The following FAM222A variants were observed in gnomAD, a reference collection of about 807,000 sequenced individuals.
FAM222A encodes the protein family with sequence similarity 222 member A.
In FAM222A, 7 loss-of-function variants were observed where a neutral mutation model predicts 25.8. The ratio of observed to expected loss-of-function variants is 0.27; its 90% CI spans 0.15 to 0.51. The LOEUF is 0.51. Among genes scored for constraint, FAM222A ranks in the 20% least tolerant of loss-of-function variants. The probability of loss-of-function intolerance (pLI) is 0.97; values close to 1 mark genes in which losing one functional copy is unlikely to be tolerated. For synonymous variants in FAM222A, 294 were observed against 298.8 expected (o/e 0.98, Z 0.17); for missense variants, 573 against 640.5 (o/e 0.89, Z 1.14).
At chr12:109,726,219 A>G (rs978907585) in intron 1 of FAM222A, among the ~76,000 whole-genome samples, 25 of 152,112 alleles carry the variant, frequency 1.6e-4, no homozygotes, top group African/African-American at 5.3e-4. Context: ...CTCTCCTAGA[A>G]TAGCTCATCA....
At chr12:109,726,571 C>T (rs983198712) in intron 1 of FAM222A, among the ~76,000 whole-genome samples, 1 of 152,230 alleles carries the variant, frequency 6.6e-6, no homozygotes, top group Admixed American at 6.5e-5. Context: ...GGTCCCAGCA[C>T]GCAGTAGGTG....
At chr12:109,739,357 A>G (rs1566189591) in intron 1 of FAM222A, among the ~76,000 whole-genome samples, 1 of 152,190 alleles carries the variant, frequency 6.6e-6, no homozygotes, top group Non-Finnish European at 1.5e-5. Flanking sequence ...TTCTGGCTAG[A>G]TGTTCCTTTC....
intron 2 of FAM222A, among the ~76,000 whole-genome samples, chr12:109,756,890 T>G (rs2136371041): frequency 6.6e-6 from 1 of 152,354 alleles, no homozygotes; most frequent in East Asian, 1.9e-4. Context: ...TCTCTCTTTT[T>G]TTTATGGAAG....
Position 109,768,819 on chromosome 12 carries a change from C to G in FAM222A, c.890C>G (p.Pro297Arg), listed in dbSNP as rs1235291579. The change falls in exon 3 of 3, where the codon CCC (proline) becomes CGC (arginine). Residue 297 changes from proline to arginine, a missense_variant. By Grantham distance (103) the Pro-to-Arg change is moderately radical. Around this residue, in one of 3 missense-constraint regions of FAM222A, gnomAD observed 412 missense variants for 407.0 expected, o/e 1.01. Coordinates refer to ENST00000538780, the MANE Select transcript of FAM222A (RefSeq NM_032829.3). ...LWPQKPPPPP[P>R]QPLRAYSGST... ...CCGCAGAAACCGCCCCCACCGCCGC[C>G]CCAGCCACTGCGTGCCTACAGTGGG... 6.3e-7 allele frequency: 1 copy of G among 1,575,962 alleles called. No individual in the cohort carries two copies. The highest frequency in any genetic ancestry group is 8.6e-7 in the Non-Finnish European group (1 of 1,167,470).
In FAM222A at chr12:109,714,309, C is replaced by A; in HGVS notation, c.-635C>A. ...GGGCCGGTGCATTCTCGCCGCTGTT[C>A]TTTGCAACCTGCAGGGGCCGGTGTA... On this transcript the variant is annotated 5_prime_UTR_variant, in exon 1 of 3. Coordinates refer to ENST00000538780, the MANE Select transcript of FAM222A (RefSeq NM_032829.3). This position sits in a 1 kb window ranked among gnomAD's most constrained non-coding sequence, Gnocchi z 4.2. 6.4e-6 allele frequency: 1 copy of A among 157,054 alleles called. No individual in the cohort carries two copies. Among genetic ancestry groups the A allele is most frequent in the South Asian group, 1.5e-4 (1 of 6,586 alleles). 9.7% of individuals were successfully genotyped at this position (157,054 alleles called of 1,614,324 possible).
rs1306615815 is a variant in FAM222A at position 109,713,840 on chromosome 12, G to C, written c.-1104G>C. On this transcript the variant is annotated 5_prime_UTR_variant, in exon 1 of 3. Coordinates refer to ENST00000538780, the MANE Select transcript of FAM222A (RefSeq NM_032829.3). ...CGCGCCTGTCAGTCGGGCCAGAGCG[G>C]AGCAGCGGGCAGGACTGCCTGGCCG... Among the ~76,000 whole-genome samples the C allele has an allele frequency of 1.3e-5, 2 of 150,586 alleles. No homozygotes were observed. The highest frequency in any genetic ancestry group is 4.9e-5 in the African/African-American group (2 of 41,190).
intron 1 of FAM222A, among the ~76,000 whole-genome samples, chr12:109,732,222 G>C (rs778286887): frequency 6.6e-6 from 1 of 152,208 alleles, no homozygotes; most frequent in Non-Finnish European, 1.5e-5. Context: ...ACTGAGTGCC[G>C]GGTGGGAGGA....
At chr12:109,758,203 G>A (rs986519188) in intron 2 of FAM222A, among the ~76,000 whole-genome samples, 4 of 152,200 alleles carry the variant, frequency 2.6e-5, no homozygotes, top group African/African-American at 7.2e-5. Context: ...CTCAGCACAC[G>A]TATGTAGCTT....
chr12:109,763,174 A>G (rs1200636590), intron 2 of FAM222A, among the ~76,000 whole-genome samples: 2 of 152,212 alleles, frequency 1.3e-5, no homozygotes, highest in Admixed American at 1.3e-4. Context: ...CCCTGCCTCA[A>G]GGTGGAAGTA....
At chr12:109,724,333 T>C (rs534753835) in intron 1 of FAM222A, among the ~76,000 whole-genome samples, 1 of 144,822 alleles carries the variant, frequency 6.9e-6, no homozygotes. Flanking sequence ...CATGGAAACA[T>C]GTGAAAGAGC....
chr12:109,770,136 T>C lies in FAM222A; in HGVS notation c.*848T>C, dbSNP rs1889202962. ...GCACCACAGGGGCTAACAGTGGGCC[T>C]GCAATCTTAGATCCCATCCTTGCCT... On this transcript the variant is annotated 3_prime_UTR_variant, in exon 3 of 3. Coordinates refer to ENST00000538780, the MANE Select transcript of FAM222A (RefSeq NM_032829.3). 6.6e-6 allele frequency: 1 copy of C among 152,416 alleles called. No homozygotes were observed. The highest frequency in any genetic ancestry group is 2.4e-5 in the African/African-American group (1 of 41,468). 9.4% of individuals were successfully genotyped at this position (152,416 alleles called of 1,614,324 possible).
intron 1 of FAM222A, 37 bp from the exon 2 acceptor site, chr12:109,744,063 GC>G: frequency 1.3e-6 from 2 of 1,541,572 alleles, no homozygotes; most frequent in Non-Finnish European, 8.7e-7. Context: ...ACACGGAGCA[GC>G]CCCCAAGTGA....
At chr12:109,747,956 G>A (rs541468237) in intron 2 of FAM222A, among the ~76,000 whole-genome samples, 2 of 152,246 alleles carry the variant, frequency 1.3e-5, no homozygotes, top group South Asian at 2.1e-4. Context: ...TAATAGTGGC[G>A]ATAATAGACA....
rs749337995 is a variant in FAM222A at position 109,768,255 on chromosome 12, C to T, written c.326C>T (p.Ala109Val). The T allele has an allele frequency of 1.1e-5, 18 of 1,608,798 alleles. No homozygotes were observed. Among genetic ancestry groups the T allele is most frequent in the East Asian group, 6.7e-5 (3 of 44,540 alleles). The change falls in exon 3 of 3, where the codon GCG becomes GTG. Residue 109 changes from alanine to valine, a missense_variant. Around this residue, in one of 3 missense-constraint regions of FAM222A, gnomAD observed 112 missense variants for 154.6 expected, o/e 0.72. Coordinates refer to ENST00000538780, the MANE Select transcript of FAM222A (RefSeq NM_032829.3). ...YQGLLAIVKA[A>V]VSSSSTAAPA... ...GGCCTTCTGGCCATTGTCAAGGCCG[C>T]GGTTTCCTCCTCCAGCACGGCCGCA...
At chr12:109,721,442 G>T (rs1444347699) in intron 1 of FAM222A, among the ~76,000 whole-genome samples, 2 of 151,438 alleles carry the variant, frequency 1.3e-5, no homozygotes, top group East Asian at 1.9e-4. Context: ...GCCTTATGCC[G>T]CTGTGCCCTT....
chr12:109,732,396 C>G (rs990769616), intron 1 of FAM222A, among the ~76,000 whole-genome samples: 2 of 152,224 alleles, frequency 1.3e-5, no homozygotes, highest in African/African-American at 2.4e-5. Context: ...GAGTGTCTGG[C>G]CCCAGGAAGG....
At chr12:109,747,979 A>G (rs1016238444) in intron 2 of FAM222A, among the ~76,000 whole-genome samples, 2 of 152,214 alleles carry the variant, frequency 1.3e-5, no homozygotes, top group African/African-American at 4.8e-5. Context: ...CTTGCTTTGT[A>G]GCTTCTAGAT....
chr12:109,755,010 T>C (rs1009619601), intron 2 of FAM222A, among the ~76,000 whole-genome samples: 10 of 152,168 alleles, frequency 6.6e-5, no homozygotes, highest in African/African-American at 2.4e-4. Flanking sequence ...TTTTATTAAG[T>C]TGTAAAACTT....
intron 1 of FAM222A, among the ~76,000 whole-genome samples, chr12:109,739,566 T>C (rs538730061): frequency 3.3e-4 from 50 of 152,226 alleles, no homozygotes; most frequent in African/African-American, 1.1e-3. Context: ...ATGGGATGAA[T>C]AAGTGGCCTC....
Sources: gnomAD v4.1 joint callset for allele counts (sites outside exome capture counted in the v4.1 genomes callset) on GRCh38, gnomAD v4.1.1 for gene constraint, gnomAD v4.1.1 regional missense constraint, Gnocchi (gnomAD v3.1) non-coding constraint, MANE v1.5 for transcripts, NCBI Gene and HGNC (gene_info 2026-07-23, HGNC 2026-07-21) for gene names.